The following APC variants were observed in gnomAD, a reference collection of about 807,000 sequenced individuals.
APC encodes APC regulator of Wnt signaling pathway.
A neutral mutation model predicts 247.0 loss-of-function variants in APC; 72 were observed. The ratio of observed to expected loss-of-function variants is 0.29; its 90% CI spans 0.24 to 0.35. The LOEUF (loss-of-function observed/expected upper bound fraction) is 0.35, where lower values mean the gene tolerates loss of function less well. Ranked by LOEUF, APC falls within the 10% of genes least tolerant of loss-of-function variation. APC has a pLI of 1.00. For synonymous variants in APC, 1,254 were observed against 1,162.5 expected (o/e 1.08, Z -1.60); for missense variants, 3,400 against 3,360.7 (o/e 1.01, Z -0.29).
At position 112,841,851 on chromosome 5, in the gene APC, C is replaced by T. The variant is rs786202975; in HGVS notation, c.6257C>T (p.Pro2086Leu). ...CTTGATTTGAAAGATATACAGAGAC[C>T]AGATTCAGAACATGGTCTATCCCCT... ...LTLDLKDIQR[P>L]DSEHGLSPDS... Residue 2086 changes from proline (P) to leucine (L), a missense_variant, in exon 16 of 16, where the codon CCA (proline) becomes CTA (leucine). Physicochemically the swap from Pro to Leu is moderately conservative, Grantham distance 98. Around this residue, in one of 9 missense-constraint regions of APC, gnomAD observed 1,788 missense variants for 1,649.5 expected, o/e 1.08. Transcript: ENST00000257430. This position sits in a 1 kb window ranked among gnomAD's most constrained non-coding sequence, Gnocchi z 4.6. 1 of 1,613,682 alleles carries T rather than the reference C, an allele frequency of 6.2e-7. No individual in the cohort carries two copies. Among genetic ancestry groups the T allele is most frequent in the Non-Finnish European group, 8.5e-7 (1 of 1,179,792 alleles).
intron 2 of APC, among the ~76,000 whole-genome samples, chr5:112,757,820 T>C (rs1031294317): frequency 6.6e-6 from 1 of 152,220 alleles, no homozygotes; most frequent in Non-Finnish European, 1.5e-5. Context: ...TTTGATTATA[T>C]GTGTCTTTGT....
At chr5:112,807,833 A>G (rs1271949000) in intron 8 of APC, among the ~76,000 whole-genome samples, 1 of 152,122 alleles carries the variant, frequency 6.6e-6, no homozygotes, top group African/African-American at 2.4e-5. Flanking sequence ...TTCACTGTGT[A>G]TTTACAAAAG....
chr5:112,792,170 C>T (rs1002909866), intron 6 of APC, among the ~76,000 whole-genome samples: 8 of 151,980 alleles, frequency 5.3e-5, no homozygotes, highest in African/African-American at 1.2e-4. Context: ...CACTTGAACC[C>T]GGAAGGCGGA....
intron 11 of APC, 124 bp downstream of exon 11, chr5:112,822,115 C>T (rs2149793374): frequency 1.4e-6 from 1 of 695,738 alleles, no homozygotes; most frequent in African/African-American, 1.8e-5. Context: ...AGGCCACCAA[C>T]TTCTGTTATC....
intron 8 of APC, chr5:112,810,241 G>GCT: frequency 2.4e-6 from 1 of 425,166 alleles, no homozygotes; most frequent in South Asian, 1.7e-5. Context: ...CACATCTAAA[G>GCT]GGATGGACCT....
intron 11 of APC, among the ~76,000 whole-genome samples, chr5:112,826,252 C>T (rs897352400): frequency 6.6e-6 from 1 of 152,116 alleles, no homozygotes; most frequent in African/African-American, 2.4e-5. Flanking sequence ...TTCTGAGTCC[C>T]GTGATGATTA....
intron 11 of APC, among the ~76,000 whole-genome samples, chr5:112,824,842 T>A (rs914810314): frequency 6.6e-6 from 1 of 152,168 alleles, no homozygotes. Context: ...TTTACCCAAG[T>A]GTAAAATGGT....
chr5:112,745,362 G>A (rs1243091747), intron 1 of APC, among the ~76,000 whole-genome samples: 1 of 151,920 alleles, frequency 6.6e-6, no homozygotes, highest in African/African-American at 2.4e-5. Flanking sequence ...GATCAAAGAG[G>A]AAATCAAGAT....
rs1454330915 is a variant in APC at position 112,841,002 on chromosome 5, G to A, written c.5408G>A (p.Arg1803Lys). 1 of 1,611,342 alleles carries A rather than the reference G, an allele frequency of 6.2e-7. No homozygotes were observed. The highest frequency in any genetic ancestry group is 8.5e-7 in the Non-Finnish European group (1 of 1,177,696). Reference sequence around the variant, plus strand: ...TCAAAAAATAATTTAAATGCTGAGAGAGTTTTCTCAGACAACAAAGATTCA... The same window carrying A: ...TCAAAAAATAATTTAAATGCTGAGAAAGTTTTCTCAGACAACAAAGATTCA... ...ADSKNNLNAE[R>K]VFSDNKDSKK... is the part of the protein sequence containing the mutation. Residue 1803 changes from arginine to lysine, a missense_variant, in exon 16 of 16, where the codon AGA becomes AAA. Around this residue, in one of 9 missense-constraint regions of APC, gnomAD observed 1,788 missense variants for 1,649.5 expected, o/e 1.08. Coordinates refer to ENST00000257430, the MANE Select transcript of APC (RefSeq NM_000038.6). The surrounding 1 kb of genome is among the most constrained non-coding windows in gnomAD (Gnocchi z 4.6).
Position 112,839,170 on chromosome 5 carries a change from A to G in APC, c.3576A>G (p.Lys1192=), listed in dbSNP as rs2149894727. 6.2e-7 allele frequency: 1 copy of G among 1,614,156 alleles called. No homozygotes were observed. The highest frequency in any genetic ancestry group is 1.1e-5 in the South Asian group (1 of 91,086). The change falls in exon 16 of 16, where the codon AAA becomes AAG. Residue 1192 remains lysine, a synonymous_variant. Transcript: ENST00000257430. This position sits in a 1 kb window ranked among gnomAD's most constrained non-coding sequence, Gnocchi z 5.0. ...KYATDIPSSQ[K]QSFSFSKSSS... ...CCACAGATATTCCTTCATCACAGAA[A>G]CAGTCATTTTCATTCTCAAAGAGTT...
Position 112,737,896 on chromosome 5 carries a change from A to T in APC, c.-48A>T. 1 of 985,578 alleles carries T rather than the reference A, an allele frequency of 1.0e-6. No individual in the cohort carries two copies. The highest frequency in any genetic ancestry group is 1.7e-5 in the African/African-American group (1 of 57,342). 61.1% of individuals were successfully genotyped at this position (985,578 alleles called of 1,614,324 possible). On this transcript the variant is annotated 5_prime_UTR_variant, in exon 1 of 16. Coordinates refer to ENST00000257430, the MANE Select transcript of APC (RefSeq NM_000038.6). ...CCCGCCAGGGTGTCACTGGAGACAG[A>T]ATGGAGGTGCTGCCGGACTCGGAAA...
At chr5:112,804,129 TC>T (rs974123076) in intron 8 of APC, among the ~76,000 whole-genome samples, 2 of 152,284 alleles carry the variant, frequency 1.3e-5, no homozygotes, top group East Asian at 1.9e-4. Context: ...TACTCATCCT[TC>T]CCCACCGTTT....
Position 112,742,398 on chromosome 5 carries a change from C to T in APC, c.-19+4473C>T, listed in dbSNP as rs573611110. Among the ~76,000 whole-genome samples the T allele has an allele frequency of 2.0e-5, 3 of 152,262 alleles. No homozygotes were observed. The East Asian group carries it at 5.8e-4, about 29-fold the overall frequency. ...TTCTGTATAACAAATTGTACCAAAA[C>T]TTAGTGGCTTAAACAGTTTCTGTGG... On this transcript the variant is annotated intron_variant, in intron 1 of 15. Transcript: ENST00000257430.
intron 1 of APC, among the ~76,000 whole-genome samples, chr5:112,730,730 T>C (rs1752057688): frequency 6.6e-6 from 1 of 152,206 alleles, no homozygotes; most frequent in East Asian, 1.9e-4. Flanking sequence ...TATTATAGGC[T>C]GCTGGTCACC....
intron 1 of APC, among the ~76,000 whole-genome samples, chr5:112,727,257 A>G (rs1751838956): frequency 6.6e-6 from 1 of 152,116 alleles, no homozygotes; most frequent in African/African-American, 2.4e-5. Context: ...TTCAGAGTGA[A>G]ATAATTTTAT....
chr5:112,729,324 A>C (rs1260072441), intron 1 of APC, among the ~76,000 whole-genome samples: 1 of 152,218 alleles, frequency 6.6e-6, no homozygotes, highest in Admixed American at 6.5e-5. Flanking sequence ...TCAGATCTCA[A>C]ATGCTTAGAA....
intron 1 of APC, among the ~76,000 whole-genome samples, chr5:112,749,559 A>G (rs1031114294): frequency 1.6e-5 from 2 of 128,080 alleles, no homozygotes; most frequent in Middle Eastern, 7.8e-3. Flanking sequence ...ATCTTGGCTT[A>G]CTGCAACAAC....
intron 15 of APC, 38 bp from the exon 16 acceptor site, chr5:112,837,515 T>C: frequency 6.6e-7 from 1 of 1,506,856 alleles, no homozygotes; most frequent in Non-Finnish European, 9.2e-7. Flanking sequence ...GCATACACAT[T>C]GTGACCTTAA....
chr5:112,810,328 G>A (rs1035034139), intron 8 of APC: 9 of 223,240 alleles, frequency 4.0e-5, no homozygotes, highest in Non-Finnish European at 7.3e-5. Context: ...TTAAGGTTCT[G>A]GTTAGCAAGA....
Sources: allele counts gnomAD v4.1 joint callset (sites outside exome capture counted in the v4.1 genomes callset), GRCh38; gene constraint gnomAD v4.1.1; regional missense constraint gnomAD v4.1.1; non-coding constraint Gnocchi (gnomAD v3.1); transcripts MANE v1.5; gene names NCBI Gene and HGNC (gene_info 2026-07-23, HGNC 2026-07-21).